SHOC2: variants seen among roughly 807,000 people sequenced by gnomAD.
SHOC2 encodes leucine-rich repeat protein SHOC-2.
SHOC2 carries 4 observed loss-of-function variants against 50.2 expected under a neutral mutation model. That is an observed-to-expected ratio of 0.08 (90% CI 0.04 to 0.18). SHOC2 has a LOEUF of 0.18. Ranked by LOEUF, SHOC2 falls within the 10% of genes least tolerant of loss-of-function variation. SHOC2 has a pLI of 1.00. For missense variants in SHOC2, 388 were observed against 669.6 expected (o/e 0.58, Z 4.64); for synonymous variants, 218 against 244.5 (o/e 0.89, Z 1.01).
At chr10:110,982,875 A>G (rs1403623380) in intron 2 of SHOC2, among the ~76,000 whole-genome samples, 5 of 152,042 alleles carry the variant, frequency 3.3e-5, no homozygotes, top group African/African-American at 4.8e-5. Context: ...TGTTTCCTCT[A>G]TTTTTTGGAA....
intron 4 of SHOC2, among the ~76,000 whole-genome samples, chr10:111,003,854 A>G (rs1420051253): frequency 6.6e-6 from 1 of 152,154 alleles, no homozygotes; most frequent in Non-Finnish European, 1.5e-5. Flanking sequence ...ATACGGTCGT[A>G]TATTATTTTC....
At chr10:110,982,960 G>C (rs1848011200) in intron 2 of SHOC2, among the ~76,000 whole-genome samples, 1 of 152,026 alleles carries the variant, frequency 6.6e-6, no homozygotes, top group Non-Finnish European at 1.5e-5. Context: ...TCTGGACCTA[G>C]AATTTCTTTT....
rs772535731 is a variant in SHOC2 at position 111,011,967 on chromosome 10, A to AT, written c.*152dup. The AT allele has an allele frequency of 4.4e-6, 3 of 684,178 alleles. No homozygotes were observed. In the East Asian group the frequency reaches 8.2e-5, roughly 19 times the overall value. 42.4% of individuals were successfully genotyped at this position (684,178 alleles called of 1,614,324 possible). ...TTCTGCTAATAGAGGAATCATAGCC[A>AT]TTTAGAATTTTTTTTAAATTCTGTA... On this transcript the variant is annotated 3_prime_UTR_variant, in exon 9 of 9. Coordinates refer to ENST00000369452, the MANE Select transcript of SHOC2 (RefSeq NM_007373.4).
chr10:110,941,136 C>G (rs1847136011), intron 1 of SHOC2, among the ~76,000 whole-genome samples: 1 of 151,682 alleles, frequency 6.6e-6, no homozygotes. Context: ...TTTCTCTCTC[C>G]CCATCTCTCA....
chr10:110,949,069 G>T (rs763410674), intron 1 of SHOC2, among the ~76,000 whole-genome samples: 3 of 151,948 alleles, frequency 2.0e-5, no homozygotes, highest in Non-Finnish European at 4.4e-5. Flanking sequence ...ATCCAAACCA[G>T]ACATAAAGTT....
At chr10:110,995,924 T>C (rs796892161) in intron 3 of SHOC2, among the ~76,000 whole-genome samples, 11 of 152,342 alleles carry the variant, frequency 7.2e-5, no homozygotes, top group African/African-American at 2.6e-4. Context: ...TTTTTCACTT[T>C]CTTTATAAAG....
chr10:110,957,787 T>C (rs1001998050), intron 1 of SHOC2, among the ~76,000 whole-genome samples: 10 of 152,182 alleles, frequency 6.6e-5, no homozygotes, highest in Admixed American at 5.2e-4. Context: ...ATTAATGATA[T>C]CAAAATTTAT....
intron 1 of SHOC2, among the ~76,000 whole-genome samples, chr10:110,929,529 T>C (rs1846846142): frequency 6.6e-6 from 1 of 152,222 alleles, no homozygotes; most frequent in African/African-American, 2.4e-5. Context: ...ACTGGGCGGC[T>C]TAAGCAACAG....
chr10:110,938,911 CTGTGGTAGTA>C (rs1227980339), intron 1 of SHOC2, among the ~76,000 whole-genome samples: 2 of 152,144 alleles, frequency 1.3e-5, no homozygotes, highest in African/African-American at 4.8e-5. Flanking sequence ...GAACATTTAA[CTGTGGTAGTA>C]TGTTTTCTAT....
At chr10:110,930,967 T>C (rs1214016919) in intron 1 of SHOC2, among the ~76,000 whole-genome samples, 1 of 152,084 alleles carries the variant, frequency 6.6e-6, no homozygotes, top group East Asian at 1.9e-4. Flanking sequence ...ATGGTTTATA[T>C]TGTGGATTGG....
chr10:110,943,165 C>T (rs542403486), intron 1 of SHOC2, among the ~76,000 whole-genome samples: 1 of 151,832 alleles, frequency 6.6e-6, no homozygotes, highest in South Asian at 2.1e-4. Context: ...TATTTCTTTT[C>T]CTTCTTTCCT....
At chr10:110,951,607 G>A (rs1337370479) in intron 1 of SHOC2, 2 of 152,110 alleles carry the variant, frequency 1.3e-5, no homozygotes, top group Admixed American at 6.5e-5. Flanking sequence ...GTTCATTGCA[G>A]CATTGTTTAC....
At chr10:110,965,867 A>G (rs1464440867) in intron 2 of SHOC2, among the ~76,000 whole-genome samples, 2 of 152,176 alleles carry the variant, frequency 1.3e-5, no homozygotes, top group East Asian at 1.9e-4. Flanking sequence ...TAATCCATTG[A>G]CATCAGTTTT....
intron 2 of SHOC2, among the ~76,000 whole-genome samples, chr10:110,978,687 A>G (rs1564719826): frequency 6.6e-6 from 1 of 152,054 alleles, no homozygotes; most frequent in African/African-American, 2.4e-5. Context: ...TCCCACATGT[A>G]TTTTCGGAGT....
At chr10:110,926,530 A>G (rs1846778151) in intron 1 of SHOC2, among the ~76,000 whole-genome samples, 1 of 152,218 alleles carries the variant, frequency 6.6e-6, no homozygotes, top group Non-Finnish European at 1.5e-5. Context: ...TCCTAGAGGG[A>G]TAAGAGAGTT....
intron 6 of SHOC2, among the ~76,000 whole-genome samples, chr10:111,008,573 C>G (rs1294834993): frequency 6.6e-6 from 1 of 152,070 alleles, no homozygotes; most frequent in Non-Finnish European, 1.5e-5. Context: ...GCATTCAGTA[C>G]AGTGCCTTGC....
At chr10:111,002,779 C>A (rs1365264138) in intron 4 of SHOC2, among the ~76,000 whole-genome samples, 8 of 148,338 alleles carry the variant, frequency 5.4e-5, no homozygotes, top group African/African-American at 7.5e-5. Flanking sequence ...CTCATTCTAA[C>A]AAAAAAAAAA....
At chr10:110,947,440 G>C (rs1037658147) in intron 1 of SHOC2, among the ~76,000 whole-genome samples, 3 of 152,224 alleles carry the variant, frequency 2.0e-5, no homozygotes, top group African/African-American at 7.2e-5. Flanking sequence ...CTGGAGAGGT[G>C]ACTACTTCTT....
At chr10:110,940,529 A>G (rs923253315) in intron 1 of SHOC2, among the ~76,000 whole-genome samples, 11 of 152,196 alleles carry the variant, frequency 7.2e-5, no homozygotes, top group African/African-American at 2.2e-4. Flanking sequence ...TGTATCATGT[A>G]TGTAAATTCA....
Sources: allele counts gnomAD v4.1 joint callset (sites outside exome capture counted in the v4.1 genomes callset), GRCh38; gene constraint gnomAD v4.1.1; transcripts MANE v1.5; gene names NCBI Gene and HGNC (gene_info 2026-07-23, HGNC 2026-07-21).